Variants in DMD observed in about 807,000 individuals in gnomAD.
DMD encodes dystrophin.
In DMD, 63 loss-of-function variants were observed where a neutral mutation model predicts 330.1. That is an observed-to-expected ratio of 0.19 (90% CI 0.16 to 0.24). DMD has a LOEUF of 0.24. Among genes scored for constraint, DMD ranks in the 10% least tolerant of loss-of-function variants. DMD has a pLI of 1.00. For synonymous variants in DMD, 1,223 were observed against 959.8 expected (o/e 1.27, Z -5.07); for missense variants, 3,344 against 2,684.1 (o/e 1.25, Z -5.43).
rs758053268 is a variant in DMD, at chrX:33,073,276, C to T, written c.32-53076G>A. 3.1e-3 allele frequency among the ~76,000 whole-genome samples: 341 copies of T among 111,630 alleles called. 2 individuals are homozygous for T. The highest frequency in any genetic ancestry group is 4.3e-3 in the Non-Finnish European group (231 of 53,134). On this transcript the variant is annotated intron_variant, in intron 1 of 78. Coordinates refer to ENST00000357033, the MANE Select transcript of DMD (RefSeq NM_004006.3). ...CACATAAATACATACTTACTATTAT[C>T]AATAATAATAGTTACCATTTAAATA...
intron 17 of DMD, among the ~76,000 whole-genome samples, chrX:32,541,549 C>G (rs901793649): frequency 9.8e-5 from 11 of 112,048 alleles, no homozygotes; most frequent in African/African-American, 3.6e-4. Flanking sequence ...TTAAAACAGG[C>G]AGGTTTCACA....
chrX:31,326,220 G>C (rs2056777070), intron 61 of DMD, among the ~76,000 whole-genome samples: 1 of 110,837 alleles, frequency 9.0e-6, no homozygotes, highest in African/African-American at 3.3e-5. Flanking sequence ...AGGGTATCTA[G>C]AGTTGACTTT....
chrX:33,122,111 A>G (rs1424675775), intron 1 of DMD, among the ~76,000 whole-genome samples: 1 of 111,679 alleles, frequency 9.0e-6, no homozygotes, highest in African/African-American at 3.3e-5. Flanking sequence ...CTGTAATCCC[A>G]GTTACTGAGG....
At chrX:32,490,879 C>T (rs896962873) in intron 20 of DMD, among the ~76,000 whole-genome samples, 1 of 111,987 alleles carries the variant, frequency 8.9e-6, no homozygotes, top group East Asian at 2.8e-4. Flanking sequence ...ATACTGCATC[C>T]AAGCTTGTTG....
intron 63 of DMD, among the ~76,000 whole-genome samples, chrX:31,249,444 C>T (rs1342647918): frequency 1.8e-5 from 2 of 111,094 alleles, no homozygotes; most frequent in African/African-American, 3.3e-5. Context: ...GGGGTTTCAC[C>T]GTGTTGCCCA....
At chrX:33,163,570 A>ATATATATATATATATATATG (rs1569557014) in intron 1 of DMD, among the ~76,000 whole-genome samples, 2 of 104,284 alleles carry the variant, frequency 1.9e-5, no homozygotes, top group African/African-American at 7.1e-5. Context: ...ATATATATAT[A>ATATATATATATATATATATG]TATATGTATA....
chrX:31,632,215 C>G (rs774880962), intron 54 of DMD, among the ~76,000 whole-genome samples: 1 of 111,353 alleles, frequency 9.0e-6, no homozygotes, highest in African/African-American at 3.3e-5. Context: ...CAACATAATA[C>G]ATAAAAAGGA....
chrX:32,547,685 C>T (rs1227929951), intron 16 of DMD, among the ~76,000 whole-genome samples: 2 of 111,053 alleles, frequency 1.8e-5, no homozygotes, highest in African/African-American at 6.5e-5. Context: ...ATTATTGACA[C>T]TTAATTATGT....
chrX:31,595,581 G>GTAAT (rs2077073750), intron 55 of DMD, among the ~76,000 whole-genome samples: 1 of 111,141 alleles, frequency 9.0e-6, no homozygotes, highest in East Asian at 2.8e-4. Flanking sequence ...CCTGAATAAA[G>GTAAT]TAATTGGTTG....
chrX:32,168,408 C>T (rs1317715016), intron 44 of DMD, among the ~76,000 whole-genome samples: 1 of 110,275 alleles, frequency 9.1e-6, no homozygotes, highest in Admixed American at 9.7e-5. Context: ...CCATATAATG[C>T]TCTTATGCTC....
intron 44 of DMD, among the ~76,000 whole-genome samples, chrX:32,134,454 T>C (rs1330550410): frequency 9.0e-6 from 1 of 111,343 alleles, no homozygotes; most frequent in Non-Finnish European, 1.9e-5. Flanking sequence ...CTCATTCTCA[T>C]GTAGAATGAG....
intron 76 of DMD, among the ~76,000 whole-genome samples, chrX:31,137,761 A>T (rs1483556309): frequency 1.8e-5 from 2 of 110,833 alleles, no homozygotes; most frequent in Non-Finnish European, 3.8e-5. Flanking sequence ...TTGAGTGGTG[A>T]TGAACACTCT....
At chrX:31,811,508 T>G (rs1305860978) in intron 50 of DMD, among the ~76,000 whole-genome samples, 1 of 112,342 alleles carries the variant, frequency 8.9e-6, no homozygotes, top group Non-Finnish European at 1.9e-5. Flanking sequence ...AATTAATTAA[T>G]TAATGTCAAG....
At chrX:32,363,667 C>T (rs1330264680) in intron 36 of DMD, among the ~76,000 whole-genome samples, 4 of 111,713 alleles carry the variant, frequency 3.6e-5, no homozygotes, top group African/African-American at 1.3e-4. Context: ...AAGCTTCAGA[C>T]AATGGCATAA....
chrX:32,991,053 A>AC (rs2092960370), intron 2 of DMD, among the ~76,000 whole-genome samples: 1 of 111,314 alleles, frequency 9.0e-6, no homozygotes, highest in African/African-American at 3.3e-5. Flanking sequence ...GTTAAAATTC[A>AC]TTTTTTCCAA....
At chrX:32,446,010 A>G (rs1346276357) in intron 27 of DMD, among the ~76,000 whole-genome samples, 1 of 110,640 alleles carries the variant, frequency 9.0e-6, no homozygotes, top group Non-Finnish European at 1.9e-5. Context: ...TCCAAAATTG[A>G]GCAGATAGAG....
At chrX:32,104,814 G>A (rs993544440) in intron 44 of DMD, among the ~76,000 whole-genome samples, 2 of 110,953 alleles carry the variant, frequency 1.8e-5, no homozygotes, top group African/African-American at 6.6e-5. Context: ...GAACACTCAA[G>A]TACCATGAGT....
At chrX:33,179,517 C>A (rs994691517) in intron 1 of DMD, among the ~76,000 whole-genome samples, 2 of 109,369 alleles carry the variant, frequency 1.8e-5, no homozygotes, top group African/African-American at 6.7e-5. Flanking sequence ...CGCAGTGAAA[C>A]CCCGTTTCTA....
intron 29 of DMD, among the ~76,000 whole-genome samples, chrX:32,422,895 G>A (rs779049243): frequency 2.7e-5 from 3 of 111,349 alleles, no homozygotes; most frequent in Non-Finnish European, 5.7e-5. Context: ...AAAAAGTTGA[G>A]AGTGGTAAAA....
Sources: allele counts gnomAD v4.1 joint callset (sites outside exome capture counted in the v4.1 genomes callset), GRCh38; gene constraint gnomAD v4.1.1; transcripts MANE v1.5; gene names NCBI Gene and HGNC (gene_info 2026-07-23, HGNC 2026-07-21).